The following TTBK2 variants were observed in gnomAD, a reference collection of about 807,000 sequenced individuals.
TTBK2 encodes tau-tubulin kinase 2.
A neutral mutation model predicts 110.8 loss-of-function variants in TTBK2; 28 were observed. The observed-to-expected ratio is 0.25, with a 90% CI of 0.19 to 0.35. The LOEUF is 0.35. Ranked by LOEUF, TTBK2 falls within the 10% of genes least tolerant of loss-of-function variation. TTBK2 has a pLI of 1.00. For missense variants in TTBK2, 1,369 were observed against 1,500.3 expected (o/e 0.91, Z 1.45); for synonymous variants, 532 against 527.3 (o/e 1.01, Z -0.12).
chr15:42,741,117 C>T lies in TTBK2; in HGVS notation c.*4678G>A, dbSNP rs1203955905. The T allele has an allele frequency of 6.6e-6, 1 of 152,168 alleles. No homozygotes were observed. The highest frequency in any genetic ancestry group is 1.9e-4 in the East Asian group (1 of 5,200). 9.4% of individuals were successfully genotyped at this position (152,168 alleles called of 1,614,324 possible). A position where few individuals can be genotyped will look rare whatever the true frequency, so the allele number is the denominator to read the frequency against. ...GTTCCTGAGACTTTGTTAAATTTCT[C>T]ATAATTCCAGAGGGAAGGCCAAAAT... On this transcript the variant is annotated 3_prime_UTR_variant, in exon 15 of 15. Transcript: ENST00000267890.
At position 42,753,113 on chromosome 15, in the gene TTBK2, G is replaced by T. The variant is rs76000738; in HGVS notation, c.2133C>A (p.Phe711Leu). The change falls in exon 14 of 15, where the codon TTC becomes TTA. Residue 711 changes from phenylalanine (F) to leucine (L), a missense_variant. Phe to Leu is a conservative substitution (Grantham distance 22). Coordinates refer to ENST00000267890, the MANE Select transcript of TTBK2 (RefSeq NM_173500.4). The part of the protein sequence containing the change: ...TVELYSPREN[F>L]SGLVVTEGEP... Reference sequence around the variant, plus strand: ...CACCCTCTGTCACAACCAAGCCAGAGAAGTTTTCCCTTGGAGAGTAAAGTT... The same window carrying T: ...CACCCTCTGTCACAACCAAGCCAGATAAGTTTTCCCTTGGAGAGTAAAGTT... 1,258 of 1,598,086 alleles carry T rather than the reference G, an allele frequency of 7.9e-4. 10 individuals carry two copies. In the African/African-American group the frequency reaches 0.016, roughly 20 times the overall value.
At chr15:42,828,114 C>T in intron 5 of TTBK2, 82 bp from the exon 6 acceptor site, 1 of 1,113,238 alleles carries the variant, frequency 9.0e-7, no homozygotes, top group Non-Finnish European at 1.3e-6. Context: ...TTTAAGTCTT[C>T]TTCTATTTAA....
At chr15:42,830,154 T>C in intron 4 of TTBK2, 76 bp from the exon 5 acceptor site, 2 of 1,565,366 alleles carry the variant, frequency 1.3e-6, no homozygotes, top group South Asian at 1.2e-5. Context: ...AACTACTCAC[T>C]TACCATTAAA....
intron 7 of TTBK2, among the ~76,000 whole-genome samples, chr15:42,816,721 C>T (rs977857107): frequency 8.6e-5 from 13 of 151,810 alleles, no homozygotes; most frequent in Admixed American, 8.5e-4. Context: ...AGTTTGAGAC[C>T]AGCCTGGCCA....
chr15:42,902,338 T>A (rs1213396353), intron 1 of TTBK2, among the ~76,000 whole-genome samples: 1 of 151,446 alleles, frequency 6.6e-6, no homozygotes, highest in Non-Finnish European at 1.5e-5. Context: ...CTGACCAACA[T>A]GGTGAAACCC....
chr15:42,760,384 C>CAAAAA (rs3036888), intron 13 of TTBK2, among the ~76,000 whole-genome samples: 26 of 89,116 alleles, frequency 2.9e-4, no homozygotes, highest in South Asian at 4.4e-4. Context: ...GACTCCATCT[C>CAAAAA]AAAAAAAAAA....
At chr15:42,884,234 T>C (rs554210193) in intron 1 of TTBK2, among the ~76,000 whole-genome samples, 2 of 152,214 alleles carry the variant, frequency 1.3e-5, no homozygotes, top group African/African-American at 2.4e-5. Flanking sequence ...AGACAGAAAA[T>C]TGTCAAGAAT....
chr15:42,805,002 C>G (rs917030590), intron 9 of TTBK2, among the ~76,000 whole-genome samples: 1 of 152,148 alleles, frequency 6.6e-6, no homozygotes, highest in Non-Finnish European at 1.5e-5. Flanking sequence ...TTTCTACCTC[C>G]TGAACACACA....
chr15:42,794,609 G>A (rs755503408), intron 10 of TTBK2, 35 bp downstream of exon 10: 1 of 1,614,106 alleles, frequency 6.2e-7, no homozygotes, highest in South Asian at 1.1e-5. Context: ...ATACATCCAG[G>A]AAAGACACCA....
intron 1 of TTBK2, among the ~76,000 whole-genome samples, chr15:42,886,357 T>C (rs954750457): frequency 3.3e-5 from 5 of 152,078 alleles, no homozygotes; most frequent in Admixed American, 3.3e-4. Flanking sequence ...CTTAAAGAGG[T>C]GGCTGGAGCT....
At chr15:42,877,996 G>A (rs1450214512) in intron 2 of TTBK2, among the ~76,000 whole-genome samples, 1 of 147,292 alleles carries the variant, frequency 6.8e-6, no homozygotes, top group African/African-American at 2.5e-5. Context: ...TATTTTTTAT[G>A]TATACTTACA....
At chr15:42,879,418 G>GA (rs1416425060) in intron 1 of TTBK2, among the ~76,000 whole-genome samples, 1 of 152,070 alleles carries the variant, frequency 6.6e-6, no homozygotes, top group African/African-American at 2.4e-5. Flanking sequence ...TTTTTAAAAA[G>GA]AAAGAAAGAA....
In TTBK2 at chr15:42,752,387, G is replaced by C. The variant is rs886042912; in HGVS notation, c.2859C>G (p.Asp953Glu). The change falls in exon 14 of 15, where the codon GAC becomes GAG. Residue 953 changes from aspartate (D) to glutamate (E), a missense_variant. Transcript: ENST00000267890. Reference protein sequence around the residue: ...SRIPVLAQEIDSTLESSSPVS... With the variant: ...SRIPVLAQEIESTLESSSPVS... ...CTGGAGAGGATGATTCCAAAGTTGA[G>C]TCTATCTCTTGTGCTAAAACAGGGA... 1 of 1,614,204 alleles carries C rather than the reference G, an allele frequency of 6.2e-7. No individual in the cohort carries two copies. The highest frequency in any genetic ancestry group is 8.5e-7 in the Non-Finnish European group (1 of 1,180,040).
chr15:42,767,765 G>A (rs2140708978), intron 13 of TTBK2, among the ~76,000 whole-genome samples: 2 of 152,244 alleles, frequency 1.3e-5, no homozygotes, highest in East Asian at 3.9e-4. Flanking sequence ...CATTTTATGA[G>A]GCCAGCGTCA....
At chr15:42,859,584 A>G (rs1894076744) in intron 3 of TTBK2, among the ~76,000 whole-genome samples, 2 of 152,206 alleles carry the variant, frequency 1.3e-5, no homozygotes, top group South Asian at 4.1e-4. Flanking sequence ...TAATAGGACT[A>G]TGGAATGCCT....
chr15:42,740,552 C>CTTTTTTTTTT lies in TTBK2; in HGVS notation c.*5233_*5242dup, dbSNP rs34711312. ...GGGCATAGACTTTATTTTTGTTTTA[C>CTTTTTTTTTT]TTTTTTTTTTTTTTTTTTTTGAGAC... is the stretch of plus-strand genomic sequence containing the variant. On this transcript the variant is annotated 3_prime_UTR_variant, in exon 15 of 15. Coordinates refer to ENST00000267890, the MANE Select transcript of TTBK2 (RefSeq NM_173500.4). The CTTTTTTTTTT allele has an allele frequency of 7.6e-6, 1 of 131,804 alleles. No homozygotes were observed. The highest frequency in any genetic ancestry group is 1.7e-5 in the Non-Finnish European group (1 of 60,496). 8.2% of individuals were successfully genotyped at this position (131,804 alleles called of 1,614,324 possible). A position where few individuals can be genotyped will look rare whatever the true frequency, so the allele number is the denominator to read the frequency against.
chr15:42,762,784 C>A (rs933457204), intron 13 of TTBK2, among the ~76,000 whole-genome samples: 1 of 151,704 alleles, frequency 6.6e-6, no homozygotes, highest in African/African-American at 2.4e-5. Flanking sequence ...ACTATTCAGC[C>A]ATAAAAAATA....
intron 1 of TTBK2, among the ~76,000 whole-genome samples, chr15:42,910,332 A>G (rs2030675968): frequency 6.6e-6 from 1 of 152,188 alleles, no homozygotes. Context: ...TTTGCAGTAA[A>G]GAAACAACCT....
chr15:42,782,483 A>G (rs1477696521), intron 11 of TTBK2, among the ~76,000 whole-genome samples: 1 of 152,212 alleles, frequency 6.6e-6, no homozygotes, highest in African/African-American at 2.4e-5. Flanking sequence ...TGTTTTGCAC[A>G]ATGTTCTGTC....
Sources: gnomAD v4.1 joint callset for allele counts (sites outside exome capture counted in the v4.1 genomes callset) on GRCh38, gnomAD v4.1.1 for gene constraint, MANE v1.5 for transcripts, NCBI Gene and HGNC (gene_info 2026-07-23, HGNC 2026-07-21) for gene names.